RESF1: variants seen among roughly 807,000 people sequenced by gnomAD.
The protein encoded by RESF1 is gonad expressed transcript.
RESF1 carries 65 observed loss-of-function variants against 134.7 expected under a neutral mutation model. The ratio of observed to expected loss-of-function variants is 0.48; its 90% CI spans 0.40 to 0.59. RESF1 has a LOEUF of 0.59. RESF1 is among the 20% of genes least tolerant of loss of function. The pLI, the probability that RESF1 is intolerant of heterozygous loss-of-function variation, is 0.00. For missense variants in RESF1, 2,274 were observed against 2,002.7 expected, an observed-to-expected ratio of 1.14 and a Z score of -2.59; for synonymous variants, 762 against 702.2, an observed-to-expected ratio of 1.09 and a Z score of -1.35.
chr12:31,992,311 T>C (rs1940108614), intron 5 of RESF1, 67 bp from the exon 6 acceptor site: 16 of 1,367,706 alleles, frequency 1.2e-5, no homozygotes, highest in Non-Finnish European at 1.5e-5. Flanking sequence ...TCCCTCTGAA[T>C]TTTGATTATA....
chr12:31,978,947 G>T (rs144152313), intron 3 of RESF1, among the ~76,000 whole-genome samples: 1 of 144,450 alleles, frequency 6.9e-6, no homozygotes, highest in Admixed American at 7.0e-5. Context: ...TTGAAACGGA[G>T]TCTAGCTCTG....
At chr12:31,974,719 T>TC (rs1939591531) in intron 3 of RESF1, among the ~76,000 whole-genome samples, 1 of 152,096 alleles carries the variant, frequency 6.6e-6, no homozygotes, top group Admixed American at 6.5e-5. Context: ...GACTCTCTCC[T>TC]CCAAGTTGAC....
intron 3 of RESF1, among the ~76,000 whole-genome samples, chr12:31,971,903 A>G (rs1372758459): frequency 6.6e-6 from 1 of 152,198 alleles, no homozygotes; most frequent in Admixed American, 6.5e-5. Context: ...CATTTCTTAC[A>G]CCTTTGAAGG....
intron 2 of RESF1, among the ~76,000 whole-genome samples, chr12:31,967,130 G>T (rs1939415427): frequency 6.6e-6 from 1 of 152,156 alleles, no homozygotes; most frequent in Non-Finnish European, 1.5e-5. Context: ...GCTATAAAAT[G>T]GCCACAGTTT....
Position 31,984,654 on chromosome 12 carries a change from C to T in RESF1, c.3699C>T (p.Ser1233=). ...DRDVTVVQFK[S]LVNNPKTPPD... The stretch of plus-strand genomic sequence containing the variant: ...ATGTCACTGTTGTTCAATTTAAGAG[C>T]CTTGTAAATAATCCAAAGACTCCTC... Residue 1233 remains serine (S), a synonymous_variant, in exon 4 of 6, where the codon AGC becomes AGT. Transcript: ENST00000312561. 6.3e-7 allele frequency: 1 copy of T among 1,577,960 alleles called. No homozygotes were observed. The highest frequency in any genetic ancestry group is 2.2e-5 in the East Asian group (1 of 44,772).
rs1405147084 is a variant in RESF1 at position 31,983,944 on chromosome 12, A to G, written c.2989A>G (p.Ser997Gly). 1 of 1,613,888 alleles carries G rather than the reference A, an allele frequency of 6.2e-7. No homozygotes were observed. Among genetic ancestry groups the G allele is most frequent in the African/African-American group, 1.3e-5 (1 of 75,032 alleles). Residue 997 changes from serine (S) to glycine (G), a missense_variant, in exon 4 of 6, where the codon AGT (serine) becomes GGT (glycine). By Grantham distance (56) the Ser-to-Gly change is moderately conservative (BLOSUM62 0). Transcript: ENST00000312561. ...AAACAGAGTTATTCTAGAGAAAAGTAGTTTGGAGCATGCCACTGAAAAAAG... is the reference window on the plus strand; with the variant it reads ...AAACAGAGTTATTCTAGAGAAAAGTGGTTTGGAGCATGCCACTGAAAAAAG... ...ETNRVILEKS[S>G]LEHATEKSTA...
rs1400320552 is a variant in RESF1 at position 31,985,221 on chromosome 12, A to C, written c.4266A>C (p.Glu1422Asp). The C allele has an allele frequency of 1.9e-6, 3 of 1,588,800 alleles. No individual in the cohort carries two copies. Among genetic ancestry groups the C allele is most frequent in the Non-Finnish European group, 2.6e-6 (3 of 1,173,498 alleles). ...SNPNERAIVK[E>D]KMVSNTKSVD... ...CAAACGAAAGAGCCATTGTTAAAGA[A>C]AAGATGGTATCAAATACTAAGTCTG... is the stretch of plus-strand genomic sequence containing the variant. Residue 1422 changes from glutamate (E) to aspartate (D), a missense_variant, in exon 4 of 6, where the codon GAA (glutamate) becomes GAC (aspartate). Physicochemically the swap from Glu to Asp is conservative, Grantham distance 45. Transcript: ENST00000312561.
chr12:31,988,698 A>AT (rs11330918), intron 5 of RESF1, among the ~76,000 whole-genome samples: 3 of 151,100 alleles, frequency 2.0e-5, no homozygotes, highest in Admixed American at 1.3e-4. Context: ...TGAGTATTTG[A>AT]TTTTTTTTTT....
chr12:31,972,711 T>TA (rs1185826766), intron 3 of RESF1, among the ~76,000 whole-genome samples: 3 of 152,128 alleles, frequency 2.0e-5, no homozygotes, highest in Non-Finnish European at 4.4e-5. Context: ...TAAAATGAAT[T>TA]AGAGGACACC....
At chr12:31,965,357 A>T (rs1469780922) in intron 2 of RESF1, among the ~76,000 whole-genome samples, 1 of 152,210 alleles carries the variant, frequency 6.6e-6, no homozygotes, top group East Asian at 1.9e-4. Context: ...ACAACCAATC[A>T]GGCTAGTGGC....
rs1565489004 is a variant in RESF1 at position 31,987,288 on chromosome 12, A to G, written c.5052A>G (p.Thr1684=). ...AAGACTGGTTAAAATTTGTTGCTAC[A>G]AAGAAAAGGACACAGAAAGACAGCC... The part of the protein sequence containing the change: ...TKEDWLKFVA[T]KKRTQKDSQE... The change falls in exon 5 of 6, where the codon ACA becomes ACG. Residue 1684 remains threonine (T), a synonymous_variant. Transcript: ENST00000312561. 1.2e-6 allele frequency: 2 copies of G among 1,603,574 alleles called. No homozygotes were observed. The highest frequency in any genetic ancestry group is 4.5e-5 in the East Asian group (2 of 44,690).
At chr12:31,973,570 A>G (rs774194918) in intron 3 of RESF1, among the ~76,000 whole-genome samples, 2 of 151,914 alleles carry the variant, frequency 1.3e-5, no homozygotes, top group East Asian at 1.9e-4. Flanking sequence ...TTCACAGTCT[A>G]TTTGTGTAGC....
chr12:31,984,916 A>T lies in RESF1; in HGVS notation c.3961A>T (p.Thr1321Ser). 1.9e-6 allele frequency: 3 copies of T among 1,612,380 alleles called. No individual in the cohort carries two copies. The highest frequency in any genetic ancestry group is 2.5e-6 in the Non-Finnish European group (3 of 1,179,640). The change falls in exon 4 of 6, where the codon ACC (threonine) becomes TCC (serine). Residue 1321 changes from threonine (T) to serine (S), a missense_variant. Transcript: ENST00000312561. ...TASYEQASQE[T>S]RQKKHVTQNS... ...ATCTTATGAACAAGCTTCTCAGGAA[A>T]CCCGACAGAAGAAACATGTAACACA...
Position 31,984,084 on chromosome 12 carries a change from T to C in RESF1, c.3129T>C (p.Ser1043=), listed in dbSNP as rs752530515. The C allele has an allele frequency of 9.3e-6, 15 of 1,613,946 alleles. No homozygotes were observed. In the East Asian group the frequency reaches 3.3e-4, roughly 36 times the overall value. Residue 1043 remains serine (S), a synonymous_variant, in exon 4 of 6, where the codon AGT becomes AGC. Coordinates refer to ENST00000312561, the MANE Select transcript of RESF1 (RefSeq NM_018169.4). ...ATCCTGCAAGAAATGAAATCCACAG[T>C]GATAAGGCACCTGTCTTATACCTAC... ...PQDPARNEIH[S]DKAPVLYLHD... is the part of the protein sequence containing the mutation.
intron 2 of RESF1, among the ~76,000 whole-genome samples, chr12:31,969,128 T>C (rs1301988009): frequency 6.6e-6 from 1 of 152,152 alleles, no homozygotes; most frequent in African/African-American, 2.4e-5. Flanking sequence ...TTTATTTTTA[T>C]TTTTTTGTAG....
intron 2 of RESF1, among the ~76,000 whole-genome samples, chr12:31,968,603 C>G (rs1939447440): frequency 6.6e-6 from 1 of 152,090 alleles, no homozygotes; most frequent in Non-Finnish European, 1.5e-5. Context: ...CGCCCACCAC[C>G]ATGCCCGGCT....
Position 31,984,031 on chromosome 12 carries a change from G to A in RESF1, c.3076G>A (p.Asp1026Asn), listed in dbSNP as rs1224964141. The stretch of plus-strand genomic sequence containing the variant: ...GGAGGATATTTACCCTCAGGAAATA[G>A]ATGCATCCAGCAACTATACTCCCCA... ...IQEDIYPQEI[D>N]ASSNYTPQDP... The change falls in exon 4 of 6, where the codon GAT (aspartate) becomes AAT (asparagine). Residue 1026 changes from aspartate to asparagine, a missense_variant. Coordinates refer to ENST00000312561, the MANE Select transcript of RESF1 (RefSeq NM_018169.4). The A allele has an allele frequency of 6.2e-7, 1 of 1,614,068 alleles. No homozygotes were observed. Among genetic ancestry groups the A allele is most frequent in the Non-Finnish European group, 8.5e-7 (1 of 1,180,000 alleles).
chr12:31,987,424 G>GT, intron 5 of RESF1, 102 bp downstream of exon 5: 8 of 623,692 alleles, frequency 1.3e-5, no homozygotes, highest in South Asian at 7.3e-5. Flanking sequence ...TTTTATCCAT[G>GT]TTCTTTTTTT....
intron 5 of RESF1, 49 bp from the exon 6 acceptor site, chr12:31,992,329 C>T (rs1940108921): frequency 6.9e-7 from 1 of 1,458,000 alleles, no homozygotes; most frequent in South Asian, 1.2e-5. Flanking sequence ...ATATATTGAT[C>T]ACAGCTAACA....
Sources: gnomAD v4.1 joint callset for allele counts (sites outside exome capture counted in the v4.1 genomes callset) on GRCh38, gnomAD v4.1.1 for gene constraint, MANE v1.5 for transcripts, NCBI Gene and HGNC (gene_info 2026-07-23, HGNC 2026-07-21) for gene names.